Variants in MACF1 observed in about 807,000 individuals in gnomAD.
MACF1 encodes the protein microtubule-actin cross-linking factor 1.
In MACF1, 193 loss-of-function variants were observed where a neutral mutation model predicts 854.8. That is an observed-to-expected ratio of 0.23 (90% CI 0.20 to 0.25). MACF1 has a LOEUF of 0.25. Ranked by LOEUF, MACF1 falls within the 10% of genes least tolerant of loss-of-function variation. MACF1 has a pLI of 1.00. For missense variants in MACF1, 7,722 were observed against 8,929.1 expected, an observed-to-expected ratio of 0.86 and a Z score of 5.45; for synonymous variants, 3,185 against 3,226.7, an observed-to-expected ratio of 0.99 and a Z score of 0.44.
chr1:39,427,661 A>G (rs1643769490), intron 62 of MACF1, 47 bp downstream of exon 62: 1 of 1,575,022 alleles, frequency 6.3e-7, no homozygotes, highest in Non-Finnish European at 8.6e-7. Flanking sequence ...GGAATTAGAA[A>G]TCCTAGAAAT....
chr1:39,137,165 G>A (rs897010353), intron 2 of MACF1, among the ~76,000 whole-genome samples: 1 of 152,144 alleles, frequency 6.6e-6, no homozygotes, highest in East Asian at 1.9e-4. Flanking sequence ...CACCTCCCAG[G>A]TTCAAGAGAT....
At chr1:39,404,361 C>T (rs1642608610) in intron 58 of MACF1, among the ~76,000 whole-genome samples, 1 of 151,646 alleles carries the variant, frequency 6.6e-6, no homozygotes, top group Admixed American at 6.6e-5. Context: ...ATCCCAGCTA[C>T]TTGGGAGGCT....
At chr1:39,411,394 G>A (rs1264005146) in intron 58 of MACF1, 21 of 1,613,990 alleles carry the variant, frequency 1.3e-5, no homozygotes, top group South Asian at 3.3e-5. Flanking sequence ...GGATGGATCC[G>A]ATTGCTTAGC....
intron 99 of MACF1, among the ~76,000 whole-genome samples, chr1:39,483,602 A>C (rs536353135): frequency 1.6e-4 from 24 of 152,290 alleles, no homozygotes; most frequent in African/African-American, 5.8e-4. Flanking sequence ...AAATGAAGTC[A>C]AAGAGGCAGG....
At chr1:39,299,855 C>G (rs1047380592) in intron 21 of MACF1, among the ~76,000 whole-genome samples, 4 of 152,156 alleles carry the variant, frequency 2.6e-5, no homozygotes, top group African/African-American at 9.7e-5. Context: ...TTGATTTTAA[C>G]TTTCATGTTC....
chr1:39,375,285 A>G (rs1426907893), intron 52 of MACF1, among the ~76,000 whole-genome samples: 1 of 151,862 alleles, frequency 6.6e-6, no homozygotes. Context: ...TGACAGCTTC[A>G]CCATCTAATT....
chr1:39,328,173 G>T (rs990369570), intron 36 of MACF1, among the ~76,000 whole-genome samples: 1 of 152,160 alleles, frequency 6.6e-6, no homozygotes, highest in South Asian at 2.1e-4. Flanking sequence ...TGTGCAACAG[G>T]AGCTAGAGTT....
chr1:39,288,491 C>A lies in MACF1; in HGVS notation c.1785+929C>A, dbSNP rs376444489. Among the ~76,000 whole-genome samples, 43 of 144,130 alleles carry A rather than the reference C, an allele frequency of 3.0e-4. No individual in the cohort carries two copies. The East Asian group carries it at 6.3e-3, about 21-fold the overall frequency. 94.6% of individuals were successfully genotyped at this position (144,130 alleles called of 152,430 possible). On this transcript the variant is annotated intron_variant, in intron 15 of 100. Coordinates refer to ENST00000564288, the MANE Select transcript of MACF1 (RefSeq NM_001394062.1). ...CCAGCCTGGGAGATAGAGTGAGACT[C>A]CATCTAAAAAAAAAAAAAAAAGTAC...
At chr1:39,425,046 A>T (rs1260277170) in intron 61 of MACF1, among the ~76,000 whole-genome samples, 2 of 152,154 alleles carry the variant, frequency 1.3e-5, no homozygotes, top group Non-Finnish European at 2.9e-5. Flanking sequence ...ACTTACTTGT[A>T]TTTCCAGATT....
chr1:39,324,348 G>A lies in MACF1; in HGVS notation c.4389+3G>A. On this transcript the variant is annotated splice_donor_region_variant and intron_variant, in intron 34 of 100. Coordinates refer to ENST00000564288, the MANE Select transcript of MACF1 (RefSeq NM_001394062.1). ...AAAAAGCTATTTTGGAACAGCAGGTGAGAAGAAGGTCCATCTCTGTTTACC... is the reference window on the plus strand; with the variant it reads ...AAAAAGCTATTTTGGAACAGCAGGTAAGAAGAAGGTCCATCTCTGTTTACC... The A allele has an allele frequency of 6.2e-7, 1 of 1,613,236 alleles. No homozygotes were observed. The highest frequency in any genetic ancestry group is 8.5e-7 in the Non-Finnish European group (1 of 1,179,640).
At chr1:39,391,047 C>G (rs953702648) in intron 58 of MACF1, among the ~76,000 whole-genome samples, 1 of 151,350 alleles carries the variant, frequency 6.6e-6, no homozygotes, top group Non-Finnish European at 1.5e-5. Flanking sequence ...GGAGGTGGAG[C>G]TTGCAGTGAG....
intron 2 of MACF1, among the ~76,000 whole-genome samples, chr1:39,232,743 T>TG (rs1491450013): frequency 6.6e-5 from 2 of 30,230 alleles, no homozygotes; most frequent in South Asian, 2.8e-3. Flanking sequence ...TCATACTCTC[T>TG]TTGTTTTTTT....
chr1:39,097,725 A>G (rs1265407192), intron 2 of MACF1, among the ~76,000 whole-genome samples: 2 of 152,030 alleles, frequency 1.3e-5, no homozygotes, highest in Non-Finnish European at 2.9e-5. Context: ...CTGTCTCAAA[A>G]AAAAAGAAAT....
intron 70 of MACF1, chr1:39,436,565 T>C (rs1236089445): frequency 3.7e-6 from 5 of 1,360,900 alleles, no homozygotes; most frequent in Non-Finnish European, 4.2e-6. Flanking sequence ...TGTAAGGGAA[T>C]TTCCCTTAAC....
At position 39,468,696 on chromosome 1, in the gene MACF1, T is replaced by G; in HGVS notation, c.21853T>G (p.Leu7285Val). 1 of 1,614,228 alleles carries G rather than the reference T, an allele frequency of 6.2e-7. No homozygotes were observed. The change falls in exon 96 of 101, where the codon TTG becomes GTG. Residue 7285 changes from leucine (L) to valine (V), a missense_variant. Physicochemically the swap from Leu to Val is conservative, Grantham distance 32. Around this residue, in one of 15 missense-constraint regions of MACF1, gnomAD observed 153 missense variants for 342.5 expected, o/e 0.45. Coordinates refer to ENST00000564288, the MANE Select transcript of MACF1 (RefSeq NM_001394062.1). ...MVRVGGGWMA[L>V]DEFLVKNDPC... ...TCGCGTTGGTGGAGGATGGATGGCCTTGGATGAATTTTTAGTGAAAAATGA... is the reference window on the plus strand; with the variant it reads ...TCGCGTTGGTGGAGGATGGATGGCCGTGGATGAATTTTTAGTGAAAAATGA...
chr1:39,477,072 T>TACACAC (rs1553457844), intron 97 of MACF1, among the ~76,000 whole-genome samples: 4 of 54,118 alleles, frequency 7.4e-5, no homozygotes, highest in Non-Finnish European at 9.9e-5. Flanking sequence ...TATATATATA[T>TACACAC]ATATATATAT....
intron 21 of MACF1, chr1:39,299,396 C>A: frequency 2.6e-6 from 1 of 380,734 alleles, no homozygotes; most frequent in Non-Finnish European, 5.2e-6. Flanking sequence ...GACTTTTATA[C>A]CTCAAAATGG....
intron 13 of MACF1, 98 bp from the exon 14 acceptor site, chr1:39,285,506 T>TC (rs1645625576): frequency 6.6e-7 from 1 of 1,520,270 alleles, no homozygotes; most frequent in Admixed American, 2.1e-5. Flanking sequence ...TTCCCTTTTT[T>TC]TTTTTTTTTG....
intron 2 of MACF1, among the ~76,000 whole-genome samples, chr1:39,099,855 A>G (rs1642023117): frequency 6.6e-6 from 1 of 152,226 alleles, no homozygotes; most frequent in African/African-American, 2.4e-5. Flanking sequence ...AGGCAGTGAT[A>G]CAGACATCCA....
Sources: allele counts gnomAD v4.1 joint callset (sites outside exome capture counted in the v4.1 genomes callset), GRCh38; gene constraint gnomAD v4.1.1; regional missense constraint gnomAD v4.1.1; transcripts MANE v1.5; gene names NCBI Gene and HGNC (gene_info 2026-07-23, HGNC 2026-07-21).